The following CHCHD6 variants were observed in gnomAD, a reference collection of about 807,000 sequenced individuals.
CHCHD6 encodes the protein coiled-coil-helix-coiled-coil-helix domain containing 6.
CHCHD6 carries 28 observed loss-of-function variants against 32.3 expected under a neutral mutation model. The ratio of observed to expected loss-of-function variants is 0.87; its 90% CI spans 0.64 to 1.19. CHCHD6 has a LOEUF of 1.19. Ranked by LOEUF, CHCHD6 falls within the 50% of genes most tolerant of loss-of-function variation. The probability of loss-of-function intolerance (pLI) is 0.00; values close to 1 mark genes in which losing one functional copy is unlikely to be tolerated. For missense variants in CHCHD6, 333 were observed against 307.0 expected (o/e 1.08, Z -0.63); for synonymous variants, 122 against 117.5 (o/e 1.04, Z -0.25).
At chr3:126,805,410 GACAA>G (rs1289254196) in intron 4 of CHCHD6, among the ~76,000 whole-genome samples, 1 of 151,976 alleles carries the variant, frequency 6.6e-6, no homozygotes, top group African/African-American at 2.4e-5. Context: ...ACCAATAACA[GACAA>G]ACAGAGAGCC....
chr3:126,852,663 G>A lies in CHCHD6; in HGVS notation c.428G>A (p.Ser143Asn). Residue 143 changes from serine (S) to asparagine (N), a missense_variant, in exon 5 of 8, where the codon AGC becomes AAC. Physicochemically the swap from Ser to Asn is conservative, Grantham distance 46. Transcript: ENST00000290913. Reference protein sequence around the residue: ...KSVRLARELESREAELRRRDT... With the variant: ...KSVRLARELENREAELRRRDT... ...TCCAAGCAGGCCAGGGAGCTGGAGA[G>A]CAGAGAGGCAGAGCTAAGACGCCGT... is the stretch of plus-strand genomic sequence containing the variant. 1 of 1,613,808 alleles carries A rather than the reference G, an allele frequency of 6.2e-7. No homozygotes were observed. Among genetic ancestry groups the A allele is most frequent in the Non-Finnish European group, 8.5e-7 (1 of 1,179,758 alleles).
At chr3:126,905,579 G>C (rs1318025510) in intron 5 of CHCHD6, among the ~76,000 whole-genome samples, 1 of 152,104 alleles carries the variant, frequency 6.6e-6, no homozygotes, top group Admixed American at 6.5e-5. Context: ...GGGGAACCAT[G>C]CAAGTTCTCA....
intron 4 of CHCHD6, among the ~76,000 whole-genome samples, chr3:126,771,949 G>T (rs1215636099): frequency 6.6e-6 from 1 of 152,200 alleles, no homozygotes; most frequent in Non-Finnish European, 1.5e-5. Context: ...TTTGGGTGGA[G>T]AGTTCTGTAG....
chr3:126,958,617 T>C (rs1484605407), intron 7 of CHCHD6, among the ~76,000 whole-genome samples: 1 of 152,234 alleles, frequency 6.6e-6, no homozygotes, highest in Non-Finnish European at 1.5e-5. Flanking sequence ...CACTCTTTGC[T>C]GGTCACAGCC....
chr3:126,739,886 A>G (rs1458254720), intron 4 of CHCHD6, among the ~76,000 whole-genome samples: 2 of 152,116 alleles, frequency 1.3e-5, no homozygotes, highest in Non-Finnish European at 2.9e-5. Context: ...ACTGGGTCAC[A>G]TTTGCTTGCA....
chr3:126,789,580 C>T (rs1938415496), intron 4 of CHCHD6, among the ~76,000 whole-genome samples: 1 of 152,142 alleles, frequency 6.6e-6, no homozygotes, highest in Non-Finnish European at 1.5e-5. Context: ...TATGTAATGG[C>T]CTTCTTTGTC....
At chr3:126,925,427 A>G (rs1052758433) in intron 6 of CHCHD6, among the ~76,000 whole-genome samples, 2 of 152,214 alleles carry the variant, frequency 1.3e-5, no homozygotes, top group African/African-American at 4.8e-5. Flanking sequence ...CTAGCAAAGA[A>G]CTTCCTGATT....
intron 4 of CHCHD6, among the ~76,000 whole-genome samples, chr3:126,834,016 T>C (rs1248328478): frequency 1.7e-5 from 2 of 121,146 alleles, no homozygotes; most frequent in Admixed American, 1.2e-4. Flanking sequence ...ATCCCGCCAC[T>C]GCACTCCAGA....
intron 5 of CHCHD6, among the ~76,000 whole-genome samples, chr3:126,884,175 G>A (rs1553752688): frequency 1.3e-5 from 2 of 152,164 alleles, no homozygotes; most frequent in Non-Finnish European, 2.9e-5. Flanking sequence ...TCCAAGCCCC[G>A]GGTTCTATGT....
intron 4 of CHCHD6, among the ~76,000 whole-genome samples, chr3:126,788,516 C>G (rs1439111397): frequency 6.6e-6 from 1 of 152,152 alleles, no homozygotes; most frequent in African/African-American, 2.4e-5. Context: ...TGTTATTGGT[C>G]TATTCAGGGA....
At chr3:126,830,113 T>A (rs984863968) in intron 4 of CHCHD6, among the ~76,000 whole-genome samples, 1 of 152,020 alleles carries the variant, frequency 6.6e-6, no homozygotes, top group Non-Finnish European at 1.5e-5. Flanking sequence ...ATAAATAAAT[T>A]AAATAAATAA....
chr3:126,812,341 TATCA>T (rs1381089053), intron 4 of CHCHD6, among the ~76,000 whole-genome samples: 19 of 150,138 alleles, frequency 1.3e-4, no homozygotes, highest in African/African-American at 4.7e-4. Flanking sequence ...GGCATGATGT[TATCA>T]ATCTCATGTT....
At chr3:126,863,237 C>G (rs1448549842) in intron 5 of CHCHD6, among the ~76,000 whole-genome samples, 1 of 143,980 alleles carries the variant, frequency 6.9e-6, no homozygotes, top group African/African-American at 2.6e-5. Context: ...TCCCCCTCCT[C>G]CACCATCACC....
intron 4 of CHCHD6, among the ~76,000 whole-genome samples, chr3:126,797,640 A>G (rs193039827): frequency 2.6e-5 from 4 of 152,270 alleles, no homozygotes; most frequent in Non-Finnish European, 5.9e-5. Flanking sequence ...GTTACTACCT[A>G]TTTGTTAAAA....
chr3:126,883,945 A>AT (rs1559902313), intron 5 of CHCHD6, among the ~76,000 whole-genome samples: 3 of 152,126 alleles, frequency 2.0e-5, no homozygotes, highest in African/African-American at 7.2e-5. Flanking sequence ...TGGAGAGCAA[A>AT]TATTCACTGA....
At chr3:126,745,967 C>T (rs1419778476) in intron 4 of CHCHD6, among the ~76,000 whole-genome samples, 1 of 152,162 alleles carries the variant, frequency 6.6e-6, no homozygotes. Flanking sequence ...CTCCCTGCCC[C>T]CTACACTTGG....
intron 4 of CHCHD6, among the ~76,000 whole-genome samples, chr3:126,735,092 G>A (rs1045001610): frequency 5.3e-5 from 8 of 152,134 alleles, no homozygotes; most frequent in African/African-American, 1.9e-4. Flanking sequence ...CAGGCAGCCT[G>A]ACAACCAAGT....
At chr3:126,711,343 T>C (rs1274314872) in intron 1 of CHCHD6, among the ~76,000 whole-genome samples, 1 of 152,238 alleles carries the variant, frequency 6.6e-6, no homozygotes, top group Non-Finnish European at 1.5e-5. Flanking sequence ...CGGCAGACTT[T>C]GTTTTCCGCC....
At chr3:126,705,295 C>A (rs1055521221) in intron 1 of CHCHD6, among the ~76,000 whole-genome samples, 2 of 152,236 alleles carry the variant, frequency 1.3e-5, no homozygotes, top group East Asian at 3.8e-4. Flanking sequence ...ATTGCGTTTA[C>A]TGCTAGAGTG....
Sources: allele counts gnomAD v4.1 joint callset (sites outside exome capture counted in the v4.1 genomes callset), GRCh38; gene constraint gnomAD v4.1.1; transcripts MANE v1.5; gene names NCBI Gene and HGNC (gene_info 2026-07-23, HGNC 2026-07-21).